Variants in HAGH observed in about 807,000 individuals in gnomAD.
The protein encoded by HAGH is hydroxyacylglutathione hydrolase.
A neutral mutation model predicts 35.1 loss-of-function variants in HAGH; 29 were observed. The ratio of observed to expected loss-of-function variants is 0.83; its 90% CI spans 0.62 to 1.13. HAGH has a LOEUF of 1.13. Ranked by LOEUF, HAGH falls within the 50% of genes most tolerant of loss-of-function variation. The pLI is 0.00. For synonymous variants in HAGH, 225 were observed against 176.1 expected, an observed-to-expected ratio of 1.28 and a Z score of -2.20; for missense variants, 478 against 419.6, an observed-to-expected ratio of 1.14 and a Z score of -1.22.
rs1272567640 is a variant in HAGH at position 1,819,836 on chromosome 16, C to A, written c.432+61G>T. ...GGAGCAGAGAGAATGCGGGGAGGGA[C>A]CCCCCTCCCCCACGCTCCTGACAGG... On this transcript the variant is annotated intron_variant, in intron 4 of 8. Transcript: ENST00000397356. 5 of 1,010,404 alleles carry A rather than the reference C, an allele frequency of 4.9e-6. No individual in the cohort carries two copies. In the South Asian group the frequency reaches 6.4e-5, roughly 13 times the overall value. The allele number at this position is 1,010,404 out of a possible 1,614,324, so 62.6% of individuals were successfully genotyped here. A position where few individuals can be genotyped will look rare whatever the true frequency, so the allele number is the denominator to read the frequency against.
intron 7 of HAGH, chr16:1,810,128 C>G (rs771650383): frequency 1.1e-5 from 4 of 364,352 alleles, no homozygotes; most frequent in Non-Finnish European, 2.1e-5. Context: ...TGCTACTGCC[C>G]TCCAGCCTGG....
Position 1,819,078 on chromosome 16 carries a change from G to C in HAGH, c.541+37C>G, listed in dbSNP as rs763093121. 5.2e-6 allele frequency: 7 copies of C among 1,335,290 alleles called. No homozygotes were observed. In the East Asian group the frequency reaches 1.4e-4, roughly 26 times the overall value. The allele number at this position is 1,335,290 out of a possible 1,614,324, so 82.7% of individuals were successfully genotyped here. A position where few individuals can be genotyped will look rare whatever the true frequency, so the allele number is the denominator to read the frequency against. Reference sequence around the variant, plus strand: ...CTGGCAGGAGACACAGGGTCTTCACGAAGAACCCCCGCCCCCACCCACACT... The same window carrying C: ...CTGGCAGGAGACACAGGGTCTTCACCAAGAACCCCCGCCCCCACCCACACT... On this transcript the variant is annotated intron_variant, in intron 5 of 8. Transcript: ENST00000397356.
intron 3 of HAGH, 198 bp downstream of exon 3, chr16:1,822,102 G>A (rs972213937): frequency 2.7e-5 from 16 of 584,332 alleles, no homozygotes; most frequent in East Asian, 8.4e-5. Flanking sequence ...CCTCACCCTC[G>A]GGGCCTCAGA....
chr16:1,826,304 C>G (rs1204999368), intron 1 of HAGH, among the ~76,000 whole-genome samples: 1 of 150,762 alleles, frequency 6.6e-6, no homozygotes, highest in Admixed American at 6.6e-5. Flanking sequence ...GGCGGCGCCG[C>G]GAGACCGCGG....
chr16:1,813,622 G>A (rs757653023), intron 7 of HAGH, among the ~76,000 whole-genome samples: 12 of 152,162 alleles, frequency 7.9e-5, no homozygotes, highest in East Asian at 1.9e-4. Flanking sequence ...AACACTCAAT[G>A]TTAAGATCGC....
chr16:1,812,824 C>T (rs956278420), intron 7 of HAGH, among the ~76,000 whole-genome samples: 2 of 152,216 alleles, frequency 1.3e-5, no homozygotes, highest in Non-Finnish European at 2.9e-5. Flanking sequence ...GAGGCGGCCT[C>T]TCACCAGGGA....
rs2473467 is a variant in HAGH at position 1,808,014 on chromosome 16, C to G, written c.*1269G>C. 114,712 of 152,310 alleles carry G rather than the reference C, an allele frequency of 0.75. 43,267 individuals are homozygous for G. The highest frequency in any genetic ancestry group is 0.83 in the Middle Eastern group (247 of 298). 9.4% of individuals were successfully genotyped at this position (152,310 alleles called of 1,614,324 possible). ...GTCACCTCCCCTCACAGCTCACTGACAGAGCAGTCAGTCAGTCAGTGAATA... is the reference window on the plus strand; with the variant it reads ...GTCACCTCCCCTCACAGCTCACTGAGAGAGCAGTCAGTCAGTCAGTGAATA... On this transcript the variant is annotated 3_prime_UTR_variant, in exon 9 of 9. Transcript: ENST00000397356.
At chr16:1,817,865 C>G (rs143396154) in intron 5 of HAGH, among the ~76,000 whole-genome samples, 1 of 152,236 alleles carries the variant, frequency 6.6e-6, no homozygotes, top group African/African-American at 2.4e-5. Context: ...GCTGACCTCA[C>G]GTGGCCGTCT....
intron 7 of HAGH, among the ~76,000 whole-genome samples, chr16:1,813,960 C>T (rs1226757316): frequency 6.6e-6 from 1 of 152,182 alleles, no homozygotes; most frequent in Admixed American, 6.5e-5. Context: ...GACAGTCCTT[C>T]GACAGACAGC....
At chr16:1,814,312 T>C (rs1040906219) in intron 7 of HAGH, among the ~76,000 whole-genome samples, 1 of 151,724 alleles carries the variant, frequency 6.6e-6, no homozygotes, top group Non-Finnish European at 1.5e-5. Flanking sequence ...CCATCTCTAC[T>C]AAAAATACAA....
intron 7 of HAGH, 187 bp from the exon 8 acceptor site, chr16:1,810,020 C>T (rs2076450): frequency 0.05 from 29,219 of 589,048 alleles, 2,292 homozygotes; most frequent in African/African-American, 0.21. Flanking sequence ...AAAAAACTAG[C>T]CAGGCATGGT....
At chr16:1,824,248 C>T (rs1042470270) in intron 1 of HAGH, among the ~76,000 whole-genome samples, 3 of 151,470 alleles carry the variant, frequency 2.0e-5, no homozygotes, top group South Asian at 2.1e-4. Context: ...ACAAACAATA[C>T]TTGCTCTTGA....
chr16:1,822,485 G>A (rs910598369), intron 2 of HAGH, 121 bp from the exon 3 acceptor site: 12 of 772,490 alleles, frequency 1.6e-5, no homozygotes, highest in African/African-American at 8.4e-5. Context: ...GACATGGCCC[G>A]TCCTGACCCT....
chr16:1,808,294 T>C lies in HAGH; in HGVS notation c.*989A>G. The C allele has an allele frequency of 6.6e-6, 1 of 151,730 alleles. No individual in the cohort carries two copies. The highest frequency in any genetic ancestry group is 1.5e-5 in the Non-Finnish European group (1 of 67,950). The allele number at this position is 151,730 out of a possible 1,614,324, so 9.4% of individuals were successfully genotyped here. On this transcript the variant is annotated 3_prime_UTR_variant, in exon 9 of 9. Coordinates refer to ENST00000397356, the MANE Select transcript of HAGH (RefSeq NM_005326.6). ...AGGTAACTTTTTAAAAAGATTATTATTAAATTTCATATTTTTTTTTTTTTG... is the reference window on the plus strand; with the variant it reads ...AGGTAACTTTTTAAAAAGATTATTACTAAATTTCATATTTTTTTTTTTTTG...
rs903764503 is a variant in HAGH at position 1,809,338 on chromosome 16, G to T, written c.872C>A (p.Thr291Asn). The change falls in exon 9 of 9, where the codon ACC becomes AAC. Residue 291 changes from threonine to asparagine, a missense_variant. Physicochemically the swap from Thr to Asn is moderately conservative, Grantham distance 65. Coordinates refer to ENST00000397356, the MANE Select transcript of HAGH (RefSeq NM_005326.6). ...QQHAGETDPV[T>N]TMRAVRREKD... Reference sequence around the variant, plus strand: ...CTCCCTGCGCACGGCCCGCATGGTGGTCACCGGGTCCGTCTCACCTGCGTG... The same window carrying T: ...CTCCCTGCGCACGGCCCGCATGGTGTTCACCGGGTCCGTCTCACCTGCGTG... The T allele has an allele frequency of 6.2e-7, 1 of 1,613,656 alleles. No homozygotes were observed. Among genetic ancestry groups the T allele is most frequent in the East Asian group, 2.2e-5 (1 of 44,874 alleles).
chr16:1,814,930 TACACACACACAC>T (rs4027423), intron 7 of HAGH, among the ~76,000 whole-genome samples: 7 of 140,648 alleles, frequency 5.0e-5, no homozygotes, highest in African/African-American at 1.9e-4. Flanking sequence ...TATATGTATA[TACACACACACAC>T]ACACACACAC....
intron 3 of HAGH, among the ~76,000 whole-genome samples, chr16:1,820,407 AT>A (rs1178223365): frequency 7.5e-6 from 1 of 133,772 alleles, no homozygotes; most frequent in Non-Finnish European, 1.6e-5. Flanking sequence ...CTGGGGGTGG[AT>A]TTTTGATTTT....
At chr16:1,814,991 G>C (rs910910242) in intron 7 of HAGH, among the ~76,000 whole-genome samples, 1 of 151,564 alleles carries the variant, frequency 6.6e-6, no homozygotes, top group Non-Finnish European at 1.5e-5. Flanking sequence ...CTTGTTTCCA[G>C]ATGATATAAG....
Position 1,819,243 on chromosome 16 carries a change from C to A in HAGH, c.433-20G>T. On this transcript the variant is annotated intron_variant, in intron 4 of 8. Transcript: ENST00000397356. ...CCCCACCTTCAACAAAGCAGGCGAC[C>A]GCGTGTGCTCCCAGACACCCTGGAG... The A allele has an allele frequency of 6.7e-7, 1 of 1,502,098 alleles. No homozygotes were observed. Among genetic ancestry groups the A allele is most frequent in the East Asian group, 2.3e-5 (1 of 43,332 alleles). The allele number at this position is 1,502,098 out of a possible 1,614,324, so 93.0% of individuals were successfully genotyped here.
Sources: allele counts gnomAD v4.1 joint callset (sites outside exome capture counted in the v4.1 genomes callset), GRCh38; gene constraint gnomAD v4.1.1; transcripts MANE v1.5; gene names NCBI Gene and HGNC (gene_info 2026-07-23, HGNC 2026-07-21).